The following OPCML variants were observed in gnomAD, a reference collection of about 807,000 sequenced individuals.
OPCML encodes the protein opioid binding protein/cell adhesion molecule like, also known as opioid-binding protein/cell adhesion molecule.
A neutral mutation model predicts 37.8 loss-of-function variants in OPCML; 13 were observed. The ratio of observed to expected loss-of-function variants is 0.34; its 90% CI spans 0.22 to 0.55. The LOEUF (loss-of-function observed/expected upper bound fraction) is 0.55, where lower values mean the gene tolerates loss of function less well. Ranked by LOEUF, OPCML falls within the 20% of genes least tolerant of loss-of-function variation. The pLI, the probability that OPCML is intolerant of heterozygous loss-of-function variation, is 0.91. For synonymous variants in OPCML, 176 were observed against 168.8 expected, an observed-to-expected ratio of 1.04 and a Z score of -0.33; for missense variants, 341 against 435.6, an observed-to-expected ratio of 0.78 and a Z score of 1.93.
At chr11:133,089,506 C>T (rs1238717463) in intron 1 of OPCML, among the ~76,000 whole-genome samples, 1 of 152,104 alleles carries the variant, frequency 6.6e-6, no homozygotes, top group Non-Finnish European at 1.5e-5. Context: ...TGAGCATCTA[C>T]CAGGCAATAG....
At chr11:133,233,756 C>A (rs1592129017) in intron 1 of OPCML, among the ~76,000 whole-genome samples, 1 of 152,298 alleles carries the variant, frequency 6.6e-6, no homozygotes, top group East Asian at 1.9e-4. Context: ...GTCTAACCTC[C>A]AATAAAATTT....
At chr11:133,146,755 CG>C (rs1240571602) in intron 1 of OPCML, among the ~76,000 whole-genome samples, 1 of 152,222 alleles carries the variant, frequency 6.6e-6, no homozygotes, top group Non-Finnish European at 1.5e-5. Flanking sequence ...ACCACCACGC[CG>C]GGACCTCTAT....
chr11:132,914,880 C>CTT (rs1944554640), intron 2 of OPCML, among the ~76,000 whole-genome samples: 1 of 152,170 alleles, frequency 6.6e-6, no homozygotes, highest in Admixed American at 6.5e-5. Context: ...TCTGTGTGGT[C>CTT]TTTGTGTGAG....
chr11:132,649,325 C>A lies in OPCML; in HGVS notation c.379+7762G>T, dbSNP rs775874548. ...GAACTGTGTTGTCACCAACCACACA[C>A]AATGTCATGAAAGGTCACAATCTAG... On this transcript the variant is annotated intron_variant, in intron 3 of 7. Transcript: ENST00000524381. Among the ~76,000 whole-genome samples the A allele has an allele frequency of 4.6e-5, 7 of 152,150 alleles. 1 individual carries two copies. Among genetic ancestry groups the A allele is most frequent in the Middle Eastern group, 6.8e-3 (2 of 294 alleles).
intron 1 of OPCML, among the ~76,000 whole-genome samples, chr11:133,042,035 A>T (rs573951206): frequency 6.6e-6 from 1 of 152,290 alleles, no homozygotes; most frequent in African/African-American, 2.4e-5. Flanking sequence ...CATGCCGTGC[A>T]GAGCTGGGGG....
intron 1 of OPCML, among the ~76,000 whole-genome samples, chr11:133,508,628 T>A (rs982312411): frequency 2.6e-5 from 4 of 152,204 alleles, no homozygotes; most frequent in African/African-American, 4.8e-5. Context: ...CATAAGGAAC[T>A]GGCCCGAGCC....
chr11:132,968,797 A>G (rs1476928288), intron 1 of OPCML, among the ~76,000 whole-genome samples: 1 of 152,190 alleles, frequency 6.6e-6, no homozygotes, highest in Non-Finnish European at 1.5e-5. Context: ...CTATCGTGTC[A>G]TCAGCATATG....
rs1255663500 is a variant in OPCML at position 133,433,687 on chromosome 11, C to T, written c.61+98577G>A. 2.6e-5 allele frequency among the ~76,000 whole-genome samples: 4 copies of T among 152,146 alleles called. No homozygotes were observed. In the East Asian group the frequency reaches 5.8e-4, roughly 22 times the overall value. Reference sequence around the variant, plus strand: ...AGGATCCCAAGAAGCCTCTCTTGCCCCTCCATCCAGAGACATCTTCAACCC... The same window carrying T: ...AGGATCCCAAGAAGCCTCTCTTGCCTCTCCATCCAGAGACATCTTCAACCC... On this transcript the variant is annotated intron_variant, in intron 1 of 7. Coordinates refer to ENST00000524381, the MANE Select transcript of OPCML (RefSeq NM_001012393.5).
intron 2 of OPCML, among the ~76,000 whole-genome samples, chr11:132,676,802 A>T (rs1239489836): frequency 6.6e-6 from 1 of 150,964 alleles, no homozygotes; most frequent in East Asian, 1.9e-4. Flanking sequence ...AAAAAAAAAA[A>T]AAGAAAGAAC....
chr11:133,365,047 TTCA>T (rs1944508370), intron 1 of OPCML, among the ~76,000 whole-genome samples: 2 of 96,798 alleles, frequency 2.1e-5, no homozygotes, highest in African/African-American at 9.5e-5. Flanking sequence ...CTCTCTCTCT[TTCA>T]CACACACACA....
chr11:132,431,705 A>G lies in OPCML; in HGVS notation c.916+4381T>C, dbSNP rs537933275. 6.6e-5 allele frequency among the ~76,000 whole-genome samples: 10 copies of G among 152,286 alleles called. No homozygotes were observed. In the South Asian group the frequency reaches 8.3e-4, roughly 13 times the overall value. ...TCTGCATTCTTTCAAAATTGCTTAT[A>G]TCCCATTTTCCTTTGCTCTTTGCTT... is the stretch of plus-strand genomic sequence containing the variant. On this transcript the variant is annotated intron_variant, in intron 7 of 7. Transcript: ENST00000524381.
At chr11:132,596,440 A>G (rs1312674517) in intron 3 of OPCML, among the ~76,000 whole-genome samples, 7 of 152,142 alleles carry the variant, frequency 4.6e-5, no homozygotes, top group Non-Finnish European at 1.0e-4. Flanking sequence ...TGAAGACAAA[A>G]CATCTCTTAA....
chr11:133,486,978 T>C (rs1316881567), intron 1 of OPCML, among the ~76,000 whole-genome samples: 1 of 151,652 alleles, frequency 6.6e-6, no homozygotes, highest in Non-Finnish European at 1.5e-5. Context: ...ATATGCCAAA[T>C]CCATTAGCAT....
intron 3 of OPCML, among the ~76,000 whole-genome samples, chr11:132,641,343 C>G (rs2135722687): frequency 6.6e-6 from 1 of 152,264 alleles, no homozygotes; most frequent in African/African-American, 2.4e-5. Context: ...CTCTCCTTGC[C>G]CAGAGCTGCC....
At chr11:133,397,416 G>T (rs113524042) in intron 1 of OPCML, among the ~76,000 whole-genome samples, 2 of 152,326 alleles carry the variant, frequency 1.3e-5, no homozygotes, top group African/African-American at 4.8e-5. Flanking sequence ...CGAACAGATA[G>T]ATGTACAGGA....
chr11:133,051,406 T>C (rs1322440521), intron 1 of OPCML, among the ~76,000 whole-genome samples: 1 of 152,170 alleles, frequency 6.6e-6, no homozygotes, highest in Non-Finnish European at 1.5e-5. Context: ...CACCCAGACA[T>C]TCCAGGGCTG....
chr11:133,379,317 C>A (rs1055209946), intron 1 of OPCML, among the ~76,000 whole-genome samples: 38 of 152,200 alleles, frequency 2.5e-4, no homozygotes, highest in African/African-American at 8.9e-4. Flanking sequence ...CTTCTACACC[C>A]CTGTGCGTCT....
Position 132,943,152 on chromosome 11 carries a change from G to C in OPCML, c.62-142C>G, listed in dbSNP as rs559304341. ...CCGCACAGTCCTGGTCCCCCGCCCC[G>C]CGCACCAGCGGGCTCGGGAAGCGGT... On this transcript the variant is annotated intron_variant, in intron 1 of 7. Transcript: ENST00000524381. This position sits in a 1 kb window ranked among gnomAD's most constrained non-coding sequence, Gnocchi z 4.3. 3.1e-6 allele frequency: 5 copies of C among 1,602,238 alleles called. No individual in the cohort carries two copies. In the African/African-American group the frequency reaches 5.4e-5, roughly 17 times the overall value.
At chr11:133,354,726 AT>A (rs1416868445) in intron 1 of OPCML, among the ~76,000 whole-genome samples, 1 of 152,222 alleles carries the variant, frequency 6.6e-6, no homozygotes, top group Non-Finnish European at 1.5e-5. Context: ...AAGTTATTTG[AT>A]TTCAACATAT....
Sources: gnomAD v4.1 joint callset for allele counts (sites outside exome capture counted in the v4.1 genomes callset) on GRCh38, gnomAD v4.1.1 for gene constraint, Gnocchi (gnomAD v3.1) non-coding constraint, MANE v1.5 for transcripts, NCBI Gene and HGNC (gene_info 2026-07-23, HGNC 2026-07-21) for gene names.